The following KIF23 variants were observed in gnomAD, a reference collection of about 807,000 sequenced individuals.
KIF23 encodes kinesin family member 23.
KIF23 carries 30 observed loss-of-function variants against 137.5 expected under a neutral mutation model. That is an observed-to-expected ratio of 0.22 (90% confidence interval 0.16 to 0.30). The LOEUF is 0.30. KIF23 is among the 10% of genes least tolerant of loss of function. KIF23 has a pLI of 1.00. For synonymous variants in KIF23, 367 were observed against 391.1 expected, an observed-to-expected ratio of 0.94 and a Z score of 0.73; for missense variants, 920 against 1,194.3, an observed-to-expected ratio of 0.77 and a Z score of 3.38.
At chr15:69,423,118 AT>A (rs759118528) in intron 6 of KIF23, 40 bp from the exon 7 acceptor site, 13 of 1,322,768 alleles carry the variant, frequency 9.8e-6, no homozygotes, top group Non-Finnish European at 1.2e-5. Context: ...TACTTTTAAA[AT>A]GGACTTATAA....
chr15:69,426,809 A>G (rs564231143), intron 10 of KIF23, among the ~76,000 whole-genome samples: 1 of 152,246 alleles, frequency 6.6e-6, no homozygotes, highest in African/African-American at 2.4e-5. Flanking sequence ...TGTGAGTTCT[A>G]CATCTATAGA....
chr15:69,443,709 G>A (rs2057682177), intron 19 of KIF23: 1 of 152,096 alleles, frequency 6.6e-6, no homozygotes, highest in African/African-American at 2.4e-5. Flanking sequence ...TGGCATATAT[G>A]TGACATATTA....
intron 8 of KIF23, 141 bp from the exon 9 acceptor site, chr15:69,425,929 G>GTT (rs889066151): frequency 3.0e-5 from 6 of 201,182 alleles, no homozygotes; most frequent in African/African-American, 4.7e-5. Flanking sequence ...AGTATTATAC[G>GTT]TTATATATAT....
chr15:69,418,985 C>T (rs562464226), intron 3 of KIF23, among the ~76,000 whole-genome samples: 128 of 152,206 alleles, frequency 8.4e-4, no homozygotes, highest in Non-Finnish European at 1.6e-3. Flanking sequence ...GGCATGATGA[C>T]GTGTGCCTGT....
Position 69,444,796 on chromosome 15 carries a change from T to G in KIF23, c.2428T>G (p.Phe810Val). Residue 810 changes from phenylalanine to valine, a missense_variant, in exon 20 of 24, where the codon TTT (phenylalanine) becomes GTT (valine). Phe to Val is a conservative substitution (Grantham distance 50). Coordinates refer to ENST00000679126, the MANE Select transcript of KIF23 (RefSeq NM_001367805.3). The surrounding 1 kb of genome is among the most constrained non-coding windows in gnomAD (Gnocchi z 4.2). ...GGTTATGCTTGTTTCTCAGTTACTC[T>G]TTCAACCTGATCAGAACGCACCACC... is the stretch of plus-strand genomic sequence containing the variant. ...IEEDHCGRLL[F>V]QPDQNAPPIR... The G allele has an allele frequency of 1.2e-6, 2 of 1,614,070 alleles. No individual in the cohort carries two copies. Among genetic ancestry groups the G allele is most frequent in the Non-Finnish European group, 1.7e-6 (2 of 1,179,980 alleles).
intron 11 of KIF23, among the ~76,000 whole-genome samples, chr15:69,433,371 A>G (rs561826995): frequency 2.6e-5 from 4 of 152,366 alleles, no homozygotes; most frequent in African/African-American, 9.6e-5. Flanking sequence ...AAGCTTGATT[A>G]GACTGTTAGA....
chr15:69,445,258 G>A (rs1286554262), intron 20 of KIF23, among the ~76,000 whole-genome samples: 3 of 151,852 alleles, frequency 2.0e-5, no homozygotes, highest in Non-Finnish European at 4.4e-5. Context: ...TAGATTCTTC[G>A]GTTTCTTAGA....
intron 11 of KIF23, chr15:69,435,212 C>A: frequency 2.0e-6 from 1 of 502,226 alleles, no homozygotes; most frequent in Non-Finnish European, 3.5e-6. Context: ...TTGGAAGAAA[C>A]CTTATAGTCA....
At chr15:69,427,907 TA>T (rs1447787339) in intron 10 of KIF23, among the ~76,000 whole-genome samples, 3 of 152,196 alleles carry the variant, frequency 2.0e-5, no homozygotes, top group African/African-American at 7.2e-5. Flanking sequence ...GTAATGCGTG[TA>T]AAGTTCTTAG....
chr15:69,429,332 T>C, intron 11 of KIF23, 119 bp downstream of exon 11: 1 of 687,866 alleles, frequency 1.5e-6, no homozygotes, highest in Non-Finnish European at 2.5e-6. Flanking sequence ...ATTGAGACGG[T>C]CTTACTCTGT....
Position 69,440,909 on chromosome 15 carries a change from A to T in KIF23, c.2251A>T (p.Asn751Tyr). The T allele has an allele frequency of 1.2e-6, 2 of 1,614,148 alleles. No individual in the cohort carries two copies. Among genetic ancestry groups the T allele is most frequent in the South Asian group, 1.1e-5 (1 of 91,078 alleles). Residue 751 changes from asparagine to tyrosine, a missense_variant, in exon 19 of 24, where the codon AAC becomes TAC. Asn to Tyr is a moderately radical substitution (Grantham distance 143). This residue lies in a region of KIF23 where 714 missense variants were observed against 866.2 expected (regional missense o/e 0.82). Coordinates refer to ENST00000679126, the MANE Select transcript of KIF23 (RefSeq NM_001367805.3). ...ATGGGAGCAGAAAATTCCTACGTAC[A>T]ACACACCTCTCAAAGTCACATCTAT... Reference protein sequence around the residue: ...SEWEQKIPTYNTPLKVTSIAR... With the variant: ...SEWEQKIPTYYTPLKVTSIAR...
At position 69,445,800 on chromosome 15, in the gene KIF23, T is replaced by C. The variant is rs1439721895; in HGVS notation, c.2674-209T>C. ...GCAATTATGAATGTTACTGATTACA[T>C]TGAATTGGACTTCTTTTATTTGTGA... On this transcript the variant is annotated intron_variant, in intron 20 of 23. Transcript: ENST00000679126. 5.3e-5 allele frequency among the ~76,000 whole-genome samples: 8 copies of C among 152,344 alleles called. No homozygotes were observed. The East Asian group carries it at 1.3e-3, about 26-fold the overall frequency.
rs757947340 is a variant in KIF23, at chr15:69,438,456, G to A, written c.1755+51G>A. 6.7e-6 allele frequency: 10 copies of A among 1,496,838 alleles called. No homozygotes were observed. In the South Asian group the frequency reaches 1.1e-4, roughly 17 times the overall value. 92.7% of individuals were successfully genotyped at this position (1,496,838 alleles called of 1,614,324 possible). A position where few individuals can be genotyped will look rare whatever the true frequency, so the allele number is the denominator to read the frequency against. On this transcript the variant is annotated intron_variant, in intron 16 of 23. Transcript: ENST00000679126. ...ATGTATGTGCTGGTGTTTTAGCACT[G>A]TTCTCTGAGGGAGATATTGTGCTCC...
In KIF23 at chr15:69,438,330, A is replaced by G. The variant is rs1166490795; in HGVS notation, c.1680A>G (p.Glu560=). Residue 560 remains glutamate (E), a synonymous_variant, in exon 16 of 24, where the codon GAA becomes GAG. Transcript: ENST00000679126. The stretch of plus-strand genomic sequence containing the variant: ...ACCACATGCAAGGGAAACTAAATGA[A>G]AAGGAGAAGATGATCTCAGGACAGA... ...KENHMQGKLN[E]KEKMISGQKL... The G allele has an allele frequency of 6.2e-7, 1 of 1,613,510 alleles. No homozygotes were observed. The highest frequency in any genetic ancestry group is 1.7e-5 in the Admixed American group (1 of 59,954).
intron 8 of KIF23, 37 bp downstream of exon 8, chr15:69,425,360 G>A (rs2057162717): frequency 6.6e-7 from 1 of 1,514,062 alleles, no homozygotes; most frequent in Non-Finnish European, 8.9e-7. Flanking sequence ...TAAGGAGAAG[G>A]GTGCAGTTAT....
chr15:69,447,653 A>G, intron 23 of KIF23, 139 bp from the exon 24 acceptor site: 1 of 677,546 alleles, frequency 1.5e-6, no homozygotes. Context: ...TATTTTATAA[A>G]AGTTGTTTGC....
At chr15:69,438,469 G>C in intron 16 of KIF23, 64 bp downstream of exon 16, 1 of 1,452,330 alleles carries the variant, frequency 6.9e-7, no homozygotes, top group Admixed American at 2.1e-5. Flanking sequence ...CTCTGAGGGA[G>C]ATATTGTGCT....
In KIF23 at chr15:69,447,868, T is replaced by G. The variant is rs553528873; in HGVS notation, c.*61T>G. On this transcript the variant is annotated 3_prime_UTR_variant, in exon 24 of 24. Coordinates refer to ENST00000679126, the MANE Select transcript of KIF23 (RefSeq NM_001367805.3). ...TGTGTGGATGATTTCTCGAAAGCCA[T>G]GCCAGAAGCAGTCTTCCAGGTCATC... The G allele has an allele frequency of 1.6e-4, 247 of 1,561,816 alleles. 1 individual carries two copies. In the South Asian group the frequency reaches 2.7e-3, roughly 17 times the overall value.
intron 23 of KIF23, among the ~76,000 whole-genome samples, 191 bp from the exon 24 acceptor site, chr15:69,447,601 A>ATCTT (rs2057768739): frequency 2.6e-5 from 4 of 152,330 alleles, no homozygotes; most frequent in Admixed American, 2.0e-4. Context: ...GCAGCAGGAT[A>ATCTT]AAGATGGGAA....
Sources: allele counts gnomAD v4.1 joint callset (sites outside exome capture counted in the v4.1 genomes callset), GRCh38; gene constraint gnomAD v4.1.1; regional missense constraint gnomAD v4.1.1; non-coding constraint Gnocchi (gnomAD v3.1); transcripts MANE v1.5; gene names NCBI Gene and HGNC (gene_info 2026-07-23, HGNC 2026-07-21).